The following TRAK1 variants were observed in gnomAD, a reference collection of about 807,000 sequenced individuals.
TRAK1 encodes the protein trafficking kinesin protein 1, also known as trafficking kinesin-binding protein 1.
A neutral mutation model predicts 92.1 loss-of-function variants in TRAK1; 33 were observed. The ratio of observed to expected loss-of-function variants is 0.36; its 90% CI spans 0.27 to 0.48. The LOEUF (loss-of-function observed/expected upper bound fraction) is 0.48, where lower values mean the gene tolerates loss of function less well. Ranked by LOEUF, TRAK1 falls within the 20% of genes least tolerant of loss-of-function variation. The pLI is 0.99. For synonymous variants in TRAK1, 521 were observed against 517.3 expected (o/e 1.01, Z -0.10); for missense variants, 1,123 against 1,257.9 (o/e 0.89, Z 1.62).
At position 42,202,931 on chromosome 3, in the gene TRAK1, T is replaced by C. The variant is rs1326181732; in HGVS notation, c.1744+179T>C. 7.1e-7 allele frequency: 1 copy of C among 1,402,226 alleles called. No homozygotes were observed. The highest frequency in any genetic ancestry group is 1.6e-5 in the South Asian group (1 of 61,002). The allele number at this position is 1,402,226 out of a possible 1,614,324, so 86.9% of individuals were successfully genotyped here. Reference sequence around the variant, plus strand: ...GGTGCTCAGCCTAGGCCTCCGTCCCTCCCCTCTGGCTGGCAGGTGTGACAA... The same window carrying C: ...GGTGCTCAGCCTAGGCCTCCGTCCCCCCCCTCTGGCTGGCAGGTGTGACAA... On this transcript the variant is annotated intron_variant, in intron 13 of 15. Coordinates refer to ENST00000327628, the MANE Select transcript of TRAK1 (RefSeq NM_001042646.3). The surrounding 1 kb of genome is among the most constrained non-coding windows in gnomAD (Gnocchi z 6.1).
rs2029126 is a variant in TRAK1 at position 42,156,892 on chromosome 3, G to T, written c.287-19922G>T. Among the ~76,000 whole-genome samples the T allele has an allele frequency of 1.3e-5, 2 of 152,122 alleles. 1 individual carries two copies. Among genetic ancestry groups the T allele is most frequent in the South Asian group, 4.1e-4 (2 of 4,820 alleles). Reference sequence around the variant, plus strand: ...GGGCCGGGTTCTGTGGCTCATGCCCGTTCATAATCCCAACACTTTGGGAGG... The same window carrying T: ...GGGCCGGGTTCTGTGGCTCATGCCCTTTCATAATCCCAACACTTTGGGAGG... On this transcript the variant is annotated intron_variant, in intron 2 of 15. Transcript: ENST00000327628.
intron 1 of TRAK1, among the ~76,000 whole-genome samples, chr3:42,071,623 G>A (rs1332212143): frequency 6.6e-6 from 1 of 151,796 alleles, no homozygotes; most frequent in African/African-American, 2.4e-5. Context: ...CAGGAGAATT[G>A]CTTGATCCTG....
intron 2 of TRAK1, among the ~76,000 whole-genome samples, chr3:42,157,829 G>C (rs528925567): frequency 1.3e-5 from 2 of 152,236 alleles, no homozygotes; most frequent in South Asian, 2.1e-4. Flanking sequence ...TAAGATCTAT[G>C]GGTTACAAAA....
At position 42,224,697 on chromosome 3, in the gene TRAK1, A is replaced by G. The variant is rs1024048654; in HGVS notation, c.*960A>G. 10 of 152,234 alleles carry G rather than the reference A, an allele frequency of 6.6e-5. No individual in the cohort carries two copies. The highest frequency in any genetic ancestry group is 2.4e-4 in the African/African-American group (10 of 41,450). 9.4% of individuals were successfully genotyped at this position (152,234 alleles called of 1,614,324 possible). On this transcript the variant is annotated 3_prime_UTR_variant, in exon 16 of 16. Coordinates refer to ENST00000327628, the MANE Select transcript of TRAK1 (RefSeq NM_001042646.3). The stretch of plus-strand genomic sequence containing the variant: ...GGACTGAAAGGAAAAAGGATAGGGA[A>G]AAAGCTTATTAAAGAAATGTGTCAA...
intron 1 of TRAK1, among the ~76,000 whole-genome samples, chr3:42,101,857 A>G (rs1422081472): frequency 6.6e-6 from 1 of 152,236 alleles, no homozygotes; most frequent in Non-Finnish European, 1.5e-5. Flanking sequence ...TAGTATTCAA[A>G]GAGCTGTTGG....
At chr3:42,014,179 C>G (rs2148871557) in intron 1 of TRAK1, 1 of 152,478 alleles carries the variant, frequency 6.6e-6, no homozygotes, top group African/African-American at 2.4e-5. Context: ...TGGGGAAGGA[C>G]ACGGGTGTTC....
chr3:42,182,457 C>T (rs1454434066), intron 3 of TRAK1, among the ~76,000 whole-genome samples: 1 of 151,924 alleles, frequency 6.6e-6, no homozygotes, highest in Non-Finnish European at 1.5e-5. Context: ...CACACCCAGC[C>T]AATTTTTGTA....
intron 2 of TRAK1, among the ~76,000 whole-genome samples, chr3:42,159,703 C>T (rs558915919): frequency 2.0e-5 from 3 of 152,288 alleles, no homozygotes; most frequent in African/African-American, 4.8e-5. Context: ...TTAAGTTTAA[C>T]GAGGTAATGG....
At chr3:42,198,390 A>G (rs771239364) in intron 10 of TRAK1, among the ~76,000 whole-genome samples, 4 of 152,176 alleles carry the variant, frequency 2.6e-5, no homozygotes, top group Non-Finnish European at 5.9e-5. Flanking sequence ...GCAAAGACTT[A>G]CTGTGTTTGG....
chr3:42,203,114 G>A (rs746875376), intron 13 of TRAK1: 2 of 1,230,124 alleles, frequency 1.6e-6, no homozygotes, highest in Non-Finnish European at 2.0e-6. Context: ...TTGCCTGTGG[G>A]TGTGAGGAAT....
At chr3:42,129,470 C>A (rs1696917017) in intron 2 of TRAK1, among the ~76,000 whole-genome samples, 1 of 152,116 alleles carries the variant, frequency 6.6e-6, no homozygotes, top group Admixed American at 6.6e-5. Flanking sequence ...TTAAATTTGG[C>A]CCTCACTTGA....
At chr3:42,187,537 A>G (rs79544622) in intron 4 of TRAK1, among the ~76,000 whole-genome samples, 9,124 of 151,920 alleles carry the variant, frequency 0.06, 287 homozygotes, top group Middle Eastern at 0.085. Context: ...GTGTGATCTC[A>G]GCTCACTACA....
chr3:42,086,217 C>T (rs1704665394), upstream of TRAK1, among the ~76,000 whole-genome samples: 1 of 152,142 alleles, frequency 6.6e-6, no homozygotes, highest in Admixed American at 6.5e-5. Flanking sequence ...CAGCCTATGT[C>T]ACATGCCATC....
chr3:42,112,642 C>T (rs780745132), intron 1 of TRAK1, among the ~76,000 whole-genome samples: 14 of 128,112 alleles, frequency 1.1e-4, no homozygotes, highest in Non-Finnish European at 2.1e-4. Flanking sequence ...AGCTGAGGCA[C>T]GAGAATCTCT....
intron 1 of TRAK1, among the ~76,000 whole-genome samples, chr3:42,101,899 G>A (rs4613429): frequency 0.16 from 23,759 of 152,150 alleles, 2,396 homozygotes; most frequent in Admixed American, 0.23. Flanking sequence ...TATTTACTCC[G>A]CGTTATTAAG....
At chr3:42,104,522 C>T (rs1048372431) in intron 1 of TRAK1, among the ~76,000 whole-genome samples, 36 of 152,244 alleles carry the variant, frequency 2.4e-4, no homozygotes, top group Non-Finnish European at 4.1e-4. Flanking sequence ...CAGGCAGCAA[C>T]GTCTGCCATC....
At chr3:42,220,920 T>A (rs913288438) in intron 15 of TRAK1, among the ~76,000 whole-genome samples, 1 of 152,146 alleles carries the variant, frequency 6.6e-6, no homozygotes, top group Non-Finnish European at 1.5e-5. Flanking sequence ...TTCAAAACCA[T>A]GGAACCAAGC....
chr3:42,199,265 G>T lies in TRAK1; in HGVS notation c.1190+12G>T. 6.2e-7 allele frequency: 1 copy of T among 1,613,852 alleles called. No homozygotes were observed. The highest frequency in any genetic ancestry group is 2.2e-5 in the East Asian group (1 of 44,876). On this transcript the variant is annotated intron_variant, in intron 11 of 15. Transcript: ENST00000327628. ...TCTCCAGACATCACGTACGGCCACA[G>T]TTTTTACAGTTTTGAGATTCCCAGA...
intron 14 of TRAK1, chr3:42,217,590 A>C (rs186136766): frequency 2.9e-5 from 29 of 985,288 alleles, no homozygotes; most frequent in Non-Finnish European, 3.6e-6. Flanking sequence ...TTTTGATTTG[A>C]TATTCTGGCC....
Sources: gnomAD v4.1 joint callset for allele counts (sites outside exome capture counted in the v4.1 genomes callset) on GRCh38, gnomAD v4.1.1 for gene constraint, Gnocchi (gnomAD v3.1) non-coding constraint, MANE v1.5 for transcripts, NCBI Gene and HGNC (gene_info 2026-07-23, HGNC 2026-07-21) for gene names.